HECW2: variants seen among roughly 807,000 people sequenced by gnomAD.
HECW2 encodes E3 ubiquitin-protein ligase HECW2.
HECW2 carries 61 observed loss-of-function variants against 175.2 expected under a neutral mutation model. The ratio of observed to expected loss-of-function variants is 0.35; its 90% confidence interval spans 0.28 to 0.43. The LOEUF is 0.43. Among genes scored for constraint, HECW2 ranks in the 20% least tolerant of loss-of-function variants. The pLI, the probability that HECW2 is intolerant of heterozygous loss-of-function variation, is 1.00. For missense variants in HECW2, 1,524 were observed against 2,000.5 expected (o/e 0.76, Z 4.54); for synonymous variants, 671 against 731.0 (o/e 0.92, Z 1.32).
chr2:196,580,666 A>G (rs1273250285), intron 1 of HECW2, among the ~76,000 whole-genome samples: 2 of 152,014 alleles, frequency 1.3e-5, no homozygotes, highest in Non-Finnish European at 2.9e-5. Context: ...AAAAAAAAAA[A>G]AAAAGTGGGA....
At chr2:196,592,869 C>T (rs1575708046) in intron 1 of HECW2, 1 of 150,270 alleles carries the variant, frequency 6.7e-6, no homozygotes, top group African/African-American at 2.4e-5. Context: ...CCCCGGCGCC[C>T]TGCGGCCGGT....
At chr2:196,544,498 C>T (rs1178039547) in intron 1 of HECW2, among the ~76,000 whole-genome samples, 1 of 152,180 alleles carries the variant, frequency 6.6e-6, no homozygotes, top group Non-Finnish European at 1.5e-5. Context: ...GTAACCAATC[C>T]AGTTGGGGGG....
intron 1 of HECW2, among the ~76,000 whole-genome samples, chr2:196,467,917 C>G (rs1343374959): frequency 2.0e-5 from 3 of 152,226 alleles, no homozygotes; most frequent in Admixed American, 1.3e-4. Flanking sequence ...AATATAGCAA[C>G]AGAGTCTAAT....
intron 2 of HECW2, among the ~76,000 whole-genome samples, chr2:196,353,812 C>T (rs1373865715): frequency 3.9e-5 from 6 of 152,210 alleles, no homozygotes; most frequent in Admixed American, 3.9e-4. Flanking sequence ...CTCTCCCATC[C>T]TGTGCCTATA....
intron 2 of HECW2, among the ~76,000 whole-genome samples, chr2:196,345,607 C>T (rs182835694): frequency 6.6e-6 from 1 of 152,304 alleles, no homozygotes; most frequent in Non-Finnish European, 1.5e-5. Flanking sequence ...GAGCCCTGAC[C>T]CACCTGCCTT....
chr2:196,243,831 G>A (rs555939810), intron 19 of HECW2, among the ~76,000 whole-genome samples: 3 of 152,158 alleles, frequency 2.0e-5, no homozygotes, highest in African/African-American at 7.2e-5. Context: ...CGCCCACCTC[G>A]GCCTTCCAAA....
chr2:196,540,161 T>C (rs1203700576), intron 1 of HECW2, among the ~76,000 whole-genome samples: 1 of 152,258 alleles, frequency 6.6e-6, no homozygotes, highest in Non-Finnish European at 1.5e-5. Flanking sequence ...GTAAACATTG[T>C]ACTTCAAATG....
At chr2:196,491,369 T>TATACACACAC (rs1275717195) in intron 1 of HECW2, among the ~76,000 whole-genome samples, 3 of 130,670 alleles carry the variant, frequency 2.3e-5, no homozygotes, top group African/African-American at 8.9e-5. Flanking sequence ...CATATATATA[T>TATACACACAC]ACACACACAC....
chr2:196,556,462 G>A (rs1559174160), intron 1 of HECW2, among the ~76,000 whole-genome samples: 1 of 152,016 alleles, frequency 6.6e-6, no homozygotes, highest in Non-Finnish European at 1.5e-5. Context: ...TCCCGTTCCC[G>A]ACCCTTCTAC....
At chr2:196,287,419 G>A (rs781493195) in intron 14 of HECW2, among the ~76,000 whole-genome samples, 19 of 152,070 alleles carry the variant, frequency 1.2e-4, no homozygotes, top group South Asian at 6.2e-4. Flanking sequence ...AAGTTTCTTC[G>A]CATCTTGATT....
chr2:196,534,562 G>C (rs1688954537), intron 1 of HECW2, among the ~76,000 whole-genome samples: 1 of 152,162 alleles, frequency 6.6e-6, no homozygotes, highest in East Asian at 1.9e-4. Flanking sequence ...TCTAGTCTCT[G>C]ATGCCTCACT....
chr2:196,521,282 C>CAAAAAAAAAAAAAAAAAAAAAAAAA (rs1158051512), intron 1 of HECW2, among the ~76,000 whole-genome samples: 2 of 53,690 alleles, frequency 3.7e-5, no homozygotes, highest in African/African-American at 5.3e-5. Flanking sequence ...ACGTGAGTAA[C>CAAAAAAAAAAAAAAAAAAAAAAAAA]AAAAAAAAAA....
At chr2:196,522,127 C>T (rs1486828026) in intron 1 of HECW2, among the ~76,000 whole-genome samples, 4 of 152,184 alleles carry the variant, frequency 2.6e-5, no homozygotes, top group Non-Finnish European at 5.9e-5. Context: ...TATTTCTCCA[C>T]ATCCTCTCCA....
At chr2:196,325,677 T>C (rs1219775067) in intron 5 of HECW2, among the ~76,000 whole-genome samples, 1 of 152,234 alleles carries the variant, frequency 6.6e-6, no homozygotes, top group Admixed American at 6.5e-5. Context: ...TAATTGGAGA[T>C]GAAACATCAG....
intron 17 of HECW2, 176 bp from the exon 18 acceptor site, chr2:196,258,082 G>C (rs959096200): frequency 2.9e-5 from 13 of 452,968 alleles, no homozygotes; most frequent in South Asian, 1.0e-4. Flanking sequence ...TGCCTTCAAG[G>C]GGGGGGATCT....
chr2:196,515,954 T>C (rs745356428), intron 1 of HECW2, among the ~76,000 whole-genome samples: 1 of 141,440 alleles, frequency 7.1e-6, no homozygotes, highest in Admixed American at 7.1e-5. Flanking sequence ...CGAAACCACC[T>C]CTCTACTAAA....
intron 2 of HECW2, among the ~76,000 whole-genome samples, chr2:196,401,001 G>A (rs1044043118): frequency 5.3e-5 from 8 of 152,196 alleles, no homozygotes; most frequent in Non-Finnish European, 1.0e-4. Context: ...AATTTATTTC[G>A]TTTCATGATT....
intron 17 of HECW2, among the ~76,000 whole-genome samples, chr2:196,267,669 G>A (rs985475510): frequency 6.6e-6 from 1 of 152,158 alleles, no homozygotes; most frequent in African/African-American, 2.4e-5. Context: ...TAGCCACATA[G>A]ACAGGAAGAC....
chr2:196,478,216 C>T (rs950762206), intron 1 of HECW2, among the ~76,000 whole-genome samples: 5 of 152,306 alleles, frequency 3.3e-5, no homozygotes, highest in African/African-American at 1.2e-4. Context: ...AGTGTCACCA[C>T]ATCAGGAGTG....
Sources: allele counts gnomAD v4.1 joint callset (sites outside exome capture counted in the v4.1 genomes callset), GRCh38; gene constraint gnomAD v4.1.1; transcripts MANE v1.5; gene names NCBI Gene and HGNC (gene_info 2026-07-23, HGNC 2026-07-21).